Variants in MAP3K4 observed in about 807,000 individuals in gnomAD.
The protein encoded by MAP3K4 is mitogen-activated protein kinase kinase kinase 4, also known as MAP three kinase 1.
In MAP3K4, 67 loss-of-function variants were observed where a neutral mutation model predicts 185.6. The observed-to-expected ratio is 0.36, with a 90% CI of 0.30 to 0.44. MAP3K4 has a LOEUF of 0.44. MAP3K4 is among the 20% of genes least tolerant of loss of function. The pLI is 1.00. For synonymous variants in MAP3K4, 702 were observed against 710.4 expected, an observed-to-expected ratio of 0.99 and a Z score of 0.19; for missense variants, 1,551 against 1,995.1, an observed-to-expected ratio of 0.78 and a Z score of 4.24.
intron 2 of MAP3K4, among the ~76,000 whole-genome samples, chr6:161,036,700 C>G (rs1471688908): frequency 6.6e-6 from 1 of 152,162 alleles, no homozygotes; most frequent in Non-Finnish European, 1.5e-5. Flanking sequence ...CTGTGCTTAA[C>G]ACCTCAAAAG....
rs187197178 is a variant in MAP3K4, at chr6:161,034,590, A to G, written c.343+141A>G. 2.2e-4 allele frequency: 147 copies of G among 654,266 alleles called. No homozygotes were observed. The African/African-American group carries it at 2.5e-3, about 11-fold the overall frequency. The allele number at this position is 654,266 out of a possible 1,614,324, so 40.5% of individuals were successfully genotyped here. ...AAGTTCAATTTTTTTTTGAATTATT[A>G]CCATTAGTATTAATAAAATTGACAC... On this transcript the variant is annotated intron_variant, in intron 2 of 26. Coordinates refer to ENST00000392142, the MANE Select transcript of MAP3K4 (RefSeq NM_005922.4). The surrounding 1 kb of genome is among the most constrained non-coding windows in gnomAD (Gnocchi z 4.4).
At position 161,100,641 on chromosome 6, in the gene MAP3K4, A is replaced by T. The variant is rs1290555366; in HGVS notation, c.3675-1251A>T. ...CCCCCACCAGAGCTAGTCGTTCAAC[A>T]TTCCCCAATATGCCACTTCATGAGT... On this transcript the variant is annotated intron_variant, in intron 17 of 26. Transcript: ENST00000392142. The surrounding 1 kb of genome is among the most constrained non-coding windows in gnomAD (Gnocchi z 5.8). Among the ~76,000 whole-genome samples the T allele has an allele frequency of 6.6e-6, 1 of 152,076 alleles. No homozygotes were observed. Among genetic ancestry groups the T allele is most frequent in the Non-Finnish European group, 1.5e-5 (1 of 68,022 alleles).
rs575765700 is a variant in MAP3K4, at chr6:161,022,799, A to G, written c.153-11460A>G. ...TCAATAAGAATTGACCTCCTGTGCA[A>G]AGGATCCTTCCCTAAAATGGTTCTA... is the stretch of plus-strand genomic sequence containing the variant. On this transcript the variant is annotated intron_variant, in intron 1 of 26. Coordinates refer to ENST00000392142, the MANE Select transcript of MAP3K4 (RefSeq NM_005922.4). This position sits in a 1 kb window ranked among gnomAD's most constrained non-coding sequence, Gnocchi z 4.2. 4.6e-5 allele frequency among the ~76,000 whole-genome samples: 7 copies of G among 152,256 alleles called. No individual in the cohort carries two copies. In the South Asian group the frequency reaches 1.4e-3, roughly 32 times the overall value.
intron 1 of MAP3K4, among the ~76,000 whole-genome samples, chr6:161,030,662 A>G (rs1471594909): frequency 3.3e-5 from 5 of 152,068 alleles, no homozygotes; most frequent in Non-Finnish European, 4.4e-5. Flanking sequence ...CAATTTGCCC[A>G]CCTCAGCCTC....
rs1228541250 is a variant in MAP3K4, at chr6:161,097,164, C to T, written c.3512C>T (p.Pro1171Leu). 3.7e-6 allele frequency: 6 copies of T among 1,613,956 alleles called. No homozygotes were observed. The highest frequency in any genetic ancestry group is 3.3e-5 in the South Asian group (3 of 91,074). The change falls in exon 16 of 27, where the codon CCA becomes CTA. Residue 1171 changes from proline to leucine, a missense_variant. Physicochemically the swap from Pro to Leu is moderately conservative, Grantham distance 98. Around this residue, in one of 16 missense-constraint regions of MAP3K4, gnomAD observed 272 missense variants for 301.2 expected, o/e 0.90. Transcript: ENST00000392142. This position sits in a 1 kb window ranked among gnomAD's most constrained non-coding sequence, Gnocchi z 4.9. ...AACCCACACCTCATTATCCCCACTC[C>T]AGAGGGATTCAGGTATTTGGTGCTT... is the stretch of plus-strand genomic sequence containing the variant. ...PPNPHLIIPT[P>L]EGFSTRSMPS... is the part of the protein sequence containing the mutation.
chr6:160,997,257 C>T (rs1416052896), intron 1 of MAP3K4, among the ~76,000 whole-genome samples: 1 of 152,056 alleles, frequency 6.6e-6, no homozygotes, highest in Non-Finnish European at 1.5e-5. Flanking sequence ...ATCTCTGTCC[C>T]ACCACCCCTC....
Position 161,097,809 on chromosome 6 carries a change from G to A in MAP3K4, c.3525-469G>A, listed in dbSNP as rs1488455258. Among the ~76,000 whole-genome samples, 2 of 151,516 alleles carry A rather than the reference G, an allele frequency of 1.3e-5. No individual in the cohort carries two copies. The highest frequency in any genetic ancestry group is 6.6e-5 in the Admixed American group (1 of 15,198). The stretch of plus-strand genomic sequence containing the variant: ...TTTTTTTTAAAGCTTTGAGGGGACC[G>A]GGGTGCGGTGACTCACGCCTGTAAT... On this transcript the variant is annotated intron_variant, in intron 16 of 26. Coordinates refer to ENST00000392142, the MANE Select transcript of MAP3K4 (RefSeq NM_005922.4). The surrounding 1 kb of genome is among the most constrained non-coding windows in gnomAD (Gnocchi z 4.9).
At position 161,084,187 on chromosome 6, in the gene MAP3K4, C is replaced by A. The variant is rs1265743239; in HGVS notation, c.2256-314C>A. Reference sequence around the variant, plus strand: ...TCTTATCCTATCATTTAGTTTGAGGCCATTTTATGGAAAATTTCCATTTAG... The same window carrying A: ...TCTTATCCTATCATTTAGTTTGAGGACATTTTATGGAAAATTTCCATTTAG... On this transcript the variant is annotated intron_variant, in intron 6 of 26. Transcript: ENST00000392142. The surrounding 1 kb of genome is among the most constrained non-coding windows in gnomAD (Gnocchi z 4.6). Among the ~76,000 whole-genome samples, 2 of 152,102 alleles carry A rather than the reference C, an allele frequency of 1.3e-5. No individual in the cohort carries two copies. Among genetic ancestry groups the A allele is most frequent in the African/African-American group, 2.4e-5 (1 of 41,412 alleles).
At chr6:161,046,158 CAAT>C (rs1783719197) in intron 2 of MAP3K4, among the ~76,000 whole-genome samples, 1 of 151,974 alleles carries the variant, frequency 6.6e-6, no homozygotes, top group Admixed American at 6.6e-5. Flanking sequence ...CACAGTGATA[CAAT>C]GTATATGTCA....
At chr6:161,013,083 T>G (rs1781922628) in intron 1 of MAP3K4, among the ~76,000 whole-genome samples, 1 of 152,194 alleles carries the variant, frequency 6.6e-6, no homozygotes, top group African/African-American at 2.4e-5. Flanking sequence ...AAGGTTTTAA[T>G]ATCACAATAA....
intron 1 of MAP3K4, among the ~76,000 whole-genome samples, chr6:161,001,257 A>G (rs574962446): frequency 6.6e-5 from 10 of 151,798 alleles, no homozygotes; most frequent in African/African-American, 2.4e-4. Flanking sequence ...TATTAATTAT[A>G]GGTGGAATCA....
intron 2 of MAP3K4, among the ~76,000 whole-genome samples, chr6:161,035,246 C>T (rs1783112319): frequency 6.6e-6 from 1 of 152,218 alleles, no homozygotes; most frequent in Non-Finnish European, 1.5e-5. Context: ...TCAGCTATTA[C>T]TGCATGAGAT....
chr6:161,111,829 T>C lies in MAP3K4; in HGVS notation c.4397-7T>C. 5.0e-6 allele frequency: 8 copies of C among 1,613,448 alleles called. No individual in the cohort carries two copies. Among genetic ancestry groups the C allele is most frequent in the Non-Finnish European group, 6.8e-6 (8 of 1,179,618 alleles). ...GGCTGCGTAACAACTACTTCTTTTC[T>C]TTTTAGGTGCCAATATCTTCCTTAC... On this transcript the variant is annotated splice_region_variant and splice_polypyrimidine_tract_variant and intron_variant, in intron 23 of 26. Coordinates refer to ENST00000392142, the MANE Select transcript of MAP3K4 (RefSeq NM_005922.4).
At chr6:161,099,577 AG>A (rs1777736673) in intron 17 of MAP3K4, among the ~76,000 whole-genome samples, 1 of 152,182 alleles carries the variant, frequency 6.6e-6, no homozygotes, top group African/African-American at 2.4e-5. Context: ...TATCCCTGTG[AG>A]GGCTGCCAAA....
rs537909393 is a variant in MAP3K4 at position 161,001,160 on chromosome 6, A to G, written c.152+9077A>G. ...TGTATATAAGTATATATGTATATAC[A>G]TATATATGTGTACACATATATAAGA... On this transcript the variant is annotated intron_variant, in intron 1 of 26. Coordinates refer to ENST00000392142, the MANE Select transcript of MAP3K4 (RefSeq NM_005922.4). Among the ~76,000 whole-genome samples the G allele has an allele frequency of 9.8e-4, 146 of 148,280 alleles. 1 individual carries two copies. The highest frequency in any genetic ancestry group is 3.3e-3 in the African/African-American group (135 of 40,776).
In MAP3K4 at chr6:161,071,100, A is replaced by G. The variant is rs1784920216; in HGVS notation, c.1950+250A>G. Among the ~76,000 whole-genome samples, 1 of 152,212 alleles carries G rather than the reference A, an allele frequency of 6.6e-6. No homozygotes were observed. Among genetic ancestry groups the G allele is most frequent in the Non-Finnish European group, 1.5e-5 (1 of 68,034 alleles). Reference sequence around the variant, plus strand: ...CTTGTTCTAAGTATTTTAAAGTTTCAGTCTTTGAAGACTAAAATTTAAAAT... The same window carrying G: ...CTTGTTCTAAGTATTTTAAAGTTTCGGTCTTTGAAGACTAAAATTTAAAAT... On this transcript the variant is annotated intron_variant, in intron 4 of 26. Transcript: ENST00000392142. The surrounding 1 kb of genome is among the most constrained non-coding windows in gnomAD (Gnocchi z 4.6).
rs542541844 is a variant in MAP3K4, at chr6:161,034,332, A to G, written c.226A>G (p.Asn76Asp). The G allele has an allele frequency of 2.5e-6, 4 of 1,613,994 alleles. No homozygotes were observed. The East Asian group carries it at 8.9e-5, about 36-fold the overall frequency. ...SDLEDFSDET[N>D]TENLYGTSPP... ...TCTAGAAGACTTCTCCGATGAAACA[A>G]ATACAGAGAATCTTTATGGTACCTC... is the stretch of plus-strand genomic sequence containing the variant. Residue 76 changes from asparagine to aspartate, a missense_variant, in exon 2 of 27, where the codon AAT (asparagine) becomes GAT (aspartate). By Grantham distance (23) the Asn-to-Asp change is conservative. Around this residue, in one of 16 missense-constraint regions of MAP3K4, gnomAD observed 287 missense variants for 268.8 expected, o/e 1.07. Transcript: ENST00000392142. The surrounding 1 kb of genome is among the most constrained non-coding windows in gnomAD (Gnocchi z 4.4).
chr6:161,098,316 G>A lies in MAP3K4; in HGVS notation c.3563G>A (p.Ser1188Asn), dbSNP rs1437483449. Residue 1188 changes from serine to asparagine, a missense_variant, in exon 17 of 27, where the codon AGC becomes AAC. By Grantham distance (46) the Ser-to-Asn change is conservative. Transcript: ENST00000392142. The surrounding 1 kb of genome is among the most constrained non-coding windows in gnomAD (Gnocchi z 4.4). Reference sequence around the variant, plus strand: ...CCTTCCGACGCGCGGAGCCATGGCAGCCCTGCTGCTGCTGCTGCTGCTGCT... The same window carrying A: ...CCTTCCGACGCGCGGAGCCATGGCAACCCTGCTGCTGCTGCTGCTGCTGCT... Reference protein sequence around the residue: ...SMPSDARSHGSPAAAAAAAAA... With the variant: ...SMPSDARSHGNPAAAAAAAAA... 4.5e-6 allele frequency: 7 copies of A among 1,552,070 alleles called. No homozygotes were observed. Among genetic ancestry groups the A allele is most frequent in the Admixed American group, 1.9e-5 (1 of 51,996 alleles).
At position 161,034,583 on chromosome 6, in the gene MAP3K4, A is replaced by C. The variant is rs1338591956; in HGVS notation, c.343+134A>C. 2 of 591,378 alleles carry C rather than the reference A, an allele frequency of 3.4e-6. No homozygotes were observed. Among genetic ancestry groups the C allele is most frequent in the African/African-American group, 4.0e-5 (2 of 50,384 alleles). 36.6% of individuals were successfully genotyped at this position (591,378 alleles called of 1,614,324 possible). Reference sequence around the variant, plus strand: ...TCCTGTAAAGTTCAATTTTTTTTTGAATTATTACCATTAGTATTAATAAAA... The same window carrying C: ...TCCTGTAAAGTTCAATTTTTTTTTGCATTATTACCATTAGTATTAATAAAA... On this transcript the variant is annotated intron_variant, in intron 2 of 26. Coordinates refer to ENST00000392142, the MANE Select transcript of MAP3K4 (RefSeq NM_005922.4). This position sits in a 1 kb window ranked among gnomAD's most constrained non-coding sequence, Gnocchi z 4.4.
Sources: gnomAD v4.1 joint callset for allele counts (sites outside exome capture counted in the v4.1 genomes callset) on GRCh38, gnomAD v4.1.1 for gene constraint, gnomAD v4.1.1 regional missense constraint, Gnocchi (gnomAD v3.1) non-coding constraint, MANE v1.5 for transcripts, NCBI Gene and HGNC (gene_info 2026-07-23, HGNC 2026-07-21) for gene names.